Variants in SCN8A observed in about 807,000 individuals in gnomAD.
The protein encoded by SCN8A is sodium voltage-gated channel alpha subunit 8.
A neutral mutation model predicts 184.1 loss-of-function variants in SCN8A; 30 were observed. The observed-to-expected ratio is 0.16, with a 90% CI of 0.12 to 0.22. The LOEUF (loss-of-function observed/expected upper bound fraction) is 0.22, where lower values mean the gene tolerates loss of function less well. SCN8A is among the 10% of genes least tolerant of loss of function. The pLI is 1.00. For synonymous variants in SCN8A, 852 were observed against 907.0 expected (o/e 0.94, Z 1.09); for missense variants, 1,057 against 2,498.9 (o/e 0.42, Z 12.30).
At chr12:51,740,258 G>A (rs1457859217) in intron 12 of SCN8A, among the ~76,000 whole-genome samples, 1 of 152,196 alleles carries the variant, frequency 6.6e-6, no homozygotes, top group Non-Finnish European at 1.5e-5. Context: ...GATTTTGGGG[G>A]GCTTGCTCCC....
Position 51,619,414 on chromosome 12 carries a change from T to C in SCN8A, c.-55+28055T>C, listed in dbSNP as rs2138593499. On this transcript the variant is annotated intron_variant, in intron 1 of 26. Transcript: ENST00000627620. ...TACATATTTTGCATATGTGAGGCTATATAGAATAAATACCTGGGATTAGAA... is the reference window on the plus strand; with the variant it reads ...TACATATTTTGCATATGTGAGGCTACATAGAATAAATACCTGGGATTAGAA... 2.0e-5 allele frequency among the ~76,000 whole-genome samples: 3 copies of C among 152,316 alleles called. 1 individual carries two copies. The South Asian group carries it at 6.2e-4, about 32-fold the overall frequency.
chr12:51,663,129 G>C (rs758373568), intron 2 of SCN8A, 36 bp downstream of exon 2: 4 of 1,607,694 alleles, frequency 2.5e-6, no homozygotes, highest in East Asian at 4.5e-5. Context: ...GCAGATACCT[G>C]TTTCCTAACA....
chr12:51,751,551 T>C lies in SCN8A; in HGVS notation c.2328T>C (p.Pro776=). Residue 776 remains proline (P), a synonymous_variant, in exon 14 of 27, where the codon CCT becomes CCC. Transcript: ENST00000627620. ...NTLFMAMEHH[P]MTPQFEHVLA... Reference sequence around the variant, plus strand: ...TGTTTATGGCAATGGAGCACCATCCTATGACACCACAATTTGAACATGTCT... The same window carrying C: ...TGTTTATGGCAATGGAGCACCATCCCATGACACCACAATTTGAACATGTCT... 1.9e-6 allele frequency: 3 copies of C among 1,613,850 alleles called. No individual in the cohort carries two copies. Among genetic ancestry groups the C allele is most frequent in the Non-Finnish European group, 2.5e-6 (3 of 1,179,802 alleles).
intron 1 of SCN8A, among the ~76,000 whole-genome samples, chr12:51,615,203 A>G (rs1373080103): frequency 6.6e-6 from 1 of 152,052 alleles, no homozygotes; most frequent in Non-Finnish European, 1.5e-5. Context: ...TACAATGTAC[A>G]TACTTAAGTG....
At position 51,807,389 on chromosome 12, in the gene SCN8A, G is replaced by A. The variant is rs754672110; in HGVS notation, c.5903G>A (p.Arg1968Lys). 5.0e-6 allele frequency: 8 copies of A among 1,612,846 alleles called. No individual in the cohort carries two copies. The South Asian group carries it at 8.8e-5, about 18-fold the overall frequency. Residue 1968 changes from arginine (R) to lysine (K), a missense_variant, in exon 27 of 27, where the codon AGA becomes AAA. By Grantham distance (26) the Arg-to-Lys change is conservative. Coordinates refer to ENST00000627620, the MANE Select transcript of SCN8A (RefSeq NM_001330260.2). The surrounding 1 kb of genome is among the most constrained non-coding windows in gnomAD (Gnocchi z 4.5). The stretch of plus-strand genomic sequence containing the variant: ...CGGGCAGAGGAAGGAAGAAGGGAAA[G>A]AGCCAAAAGACAAAAAGAGGTCAGA... ...QQRAEEGRRERAKRQKEVRES... is the reference protein window; with the variant it reads ...QQRAEEGRREKAKRQKEVRES...
At chr12:51,608,021 C>CTTT (rs749172465) in intron 1 of SCN8A, among the ~76,000 whole-genome samples, 1 of 133,476 alleles carries the variant, frequency 7.5e-6, no homozygotes, top group Non-Finnish European at 1.6e-5. Flanking sequence ...TTTCTTTTTC[C>CTTT]TTTTTTTTTT....
At chr12:51,637,371 A>T (rs1940341775) in intron 1 of SCN8A, among the ~76,000 whole-genome samples, 1 of 152,234 alleles carries the variant, frequency 6.6e-6, no homozygotes, top group Non-Finnish European at 1.5e-5. Context: ...AGGAAGGCAT[A>T]TCAAAAGCCA....
At chr12:51,790,337 C>G in intron 24 of SCN8A, 61 bp from the exon 25 acceptor site, 1 of 1,213,650 alleles carries the variant, frequency 8.2e-7, no homozygotes, top group East Asian at 2.5e-5. Flanking sequence ...AACCTTAGGT[C>G]CAAACCCATA....
chr12:51,696,701 G>A (rs1941598516), intron 6 of SCN8A, among the ~76,000 whole-genome samples: 1 of 152,130 alleles, frequency 6.6e-6, no homozygotes, highest in Admixed American at 6.5e-5. Context: ...ATGAGAAAAT[G>A]AGACTATGAG....
intron 25 of SCN8A, among the ~76,000 whole-genome samples, chr12:51,790,733 C>T (rs1938226824): frequency 6.6e-6 from 1 of 152,108 alleles, no homozygotes; most frequent in Admixed American, 6.5e-5. Context: ...GGGCAGCCAC[C>T]AAGAATCAGC....
chr12:51,671,253 G>T (rs960972936), intron 2 of SCN8A, among the ~76,000 whole-genome samples: 2 of 152,144 alleles, frequency 1.3e-5, no homozygotes, highest in African/African-American at 4.8e-5. Flanking sequence ...GTGAGCTATT[G>T]GGGTGCTTAC....
intron 1 of SCN8A, among the ~76,000 whole-genome samples, chr12:51,624,836 G>A (rs896628549): frequency 6.6e-5 from 10 of 152,190 alleles, no homozygotes; most frequent in East Asian, 5.8e-4. Flanking sequence ...CATATGGCTA[G>A]CCAGTTTTTC....
At chr12:51,782,861 A>C (rs1461825016) in intron 21 of SCN8A, among the ~76,000 whole-genome samples, 1 of 152,146 alleles carries the variant, frequency 6.6e-6, no homozygotes, top group Non-Finnish European at 1.5e-5. Context: ...AAAAACTTTC[A>C]TTTGTCAACT....
In SCN8A at chr12:51,780,561, C is replaced by CTTTTTTTTTTTTTTTTTTTTT. The variant is rs1565923413; in HGVS notation, c.3820-85_3820-84insTTTTTTTTTTTTTTTTTTTTT. The stretch of plus-strand genomic sequence containing the variant: ...TCTAACACTCTGGAACCTCTGTTTT[C>CTTTTTTTTTTTTTTTTTTTTT]TTTCTTTTTTTTTTTTTTTTTTTTT... On this transcript the variant is annotated intron_variant, in intron 20 of 26. Transcript: ENST00000627620. 5 of 457,856 alleles carry CTTTTTTTTTTTTTTTTTTTTT rather than the reference C, an allele frequency of 1.1e-5. No homozygotes were observed. In the African/African-American group the frequency reaches 5.4e-4, roughly 50 times the overall value. The allele number at this position is 457,856 out of a possible 1,614,324, so 28.4% of individuals were successfully genotyped here. A position where few individuals can be genotyped will look rare whatever the true frequency, so the allele number is the denominator to read the frequency against.
rs565246346 is a variant in SCN8A at position 51,677,451 on chromosome 12, G to A, written c.277-6723G>A. Among the ~76,000 whole-genome samples, 4 of 152,134 alleles carry A rather than the reference G, an allele frequency of 2.6e-5. No individual in the cohort carries two copies. In the South Asian group the frequency reaches 8.3e-4, roughly 32 times the overall value. The stretch of plus-strand genomic sequence containing the variant: ...AATTATTTCAGTCTTGGGATGGGGT[G>A]GAGACATGCTAATAAACTAGCTGTA... On this transcript the variant is annotated intron_variant, in intron 2 of 26. Coordinates refer to ENST00000627620, the MANE Select transcript of SCN8A (RefSeq NM_001330260.2).
chr12:51,699,994 C>T (rs1246132062), intron 7 of SCN8A, among the ~76,000 whole-genome samples: 1 of 151,950 alleles, frequency 6.6e-6, no homozygotes, highest in African/African-American at 2.4e-5. Context: ...TGGAGAAACC[C>T]TCTCTCTACT....
At chr12:51,595,991 A>G (rs1438795162) in intron 1 of SCN8A, among the ~76,000 whole-genome samples, 1 of 152,126 alleles carries the variant, frequency 6.6e-6, no homozygotes, top group Non-Finnish European at 1.5e-5. Flanking sequence ...CCCAAACTAC[A>G]CTAGAATAGG....
At chr12:51,769,821 C>A in intron 17 of SCN8A, 47 bp from the exon 18 acceptor site, 1 of 1,209,428 alleles carries the variant, frequency 8.3e-7, no homozygotes, top group Non-Finnish European at 1.2e-6. Context: ...GTGGAGTGGG[C>A]ATGTTGCCTC....
chr12:51,751,432 C>A lies in SCN8A; in HGVS notation c.2209C>A (p.Pro737Thr). 1 of 1,613,918 alleles carries A rather than the reference C, an allele frequency of 6.2e-7. No homozygotes were observed. The highest frequency in any genetic ancestry group is 1.7e-4 in the Middle Eastern group (1 of 6,060). ...CACTTTCCTCATCTGGGAGTGCCAC[C>A]CCTACTGGATAAAACTGAAAGAGAT... is the stretch of plus-strand genomic sequence containing the variant. ...ANTFLIWECHPYWIKLKEIVN... is the reference protein window; with the variant it reads ...ANTFLIWECHTYWIKLKEIVN... Residue 737 changes from proline (P) to threonine (T), a missense_variant, in exon 14 of 27, where the codon CCC (proline) becomes ACC (threonine). Coordinates refer to ENST00000627620, the MANE Select transcript of SCN8A (RefSeq NM_001330260.2).
Sources: gnomAD v4.1 joint callset for allele counts (sites outside exome capture counted in the v4.1 genomes callset) on GRCh38, gnomAD v4.1.1 for gene constraint, Gnocchi (gnomAD v3.1) non-coding constraint, MANE v1.5 for transcripts, NCBI Gene and HGNC (gene_info 2026-07-23, HGNC 2026-07-21) for gene names.